TFB2M: variants seen among roughly 807,000 people sequenced by gnomAD.
TFB2M encodes the protein transcription factor B2, mitochondrial.
A neutral mutation model predicts 41.3 loss-of-function variants in TFB2M; 44 were observed. That is an observed-to-expected ratio of 1.07 (90% CI 0.84 to 1.37). The LOEUF (loss-of-function observed/expected upper bound fraction) is 1.37. TFB2M is among the 40% of genes most tolerant of loss of function. TFB2M has a pLI of 0.00. For synonymous variants in TFB2M, 188 were observed against 176.8 expected (o/e 1.06, Z -0.50); for missense variants, 496 against 490.2 (o/e 1.01, Z -0.11).
chr1:246,547,549 A>G (rs3124126), intron 6 of TFB2M, among the ~76,000 whole-genome samples: 93,767 of 152,048 alleles, frequency 0.62, 30,942 homozygotes, highest in Middle Eastern at 0.78. Context: ...AAGAAAACTG[A>G]TAATTTTCTT....
chr1:246,544,586 A>G lies in TFB2M; in HGVS notation c.954T>C (p.Asn318=). 1.2e-6 allele frequency: 2 copies of G among 1,611,736 alleles called. No homozygotes were observed. Among genetic ancestry groups the G allele is most frequent in the Non-Finnish European group, 1.7e-6 (2 of 1,179,416 alleles). ...AGTGCTTTAACAAGTGAAAAAATATATTATAGTTCATAGGTGTTAAGTTCT... is the reference window on the plus strand; with the variant it reads ...AGTGCTTTAACAAGTGAAAAAATATGTTATAGTTCATAGGTGTTAAGTTCT... ...FTKNLTPMNY[N]IFFHLLKHCF... The change falls in exon 7 of 8, where the codon AAT becomes AAC. Residue 318 remains asparagine (N), a synonymous_variant. Transcript: ENST00000366514.
intron 5 of TFB2M, 65 bp downstream of exon 5, chr1:246,551,148 C>T (rs1659167185): frequency 7.8e-7 from 1 of 1,288,576 alleles, no homozygotes; most frequent in Non-Finnish European, 1.1e-6. Flanking sequence ...GCACTCCAGC[C>T]TGGGCAACAT....
chr1:246,564,853 T>A (rs2102992151), intron 1 of TFB2M, among the ~76,000 whole-genome samples: 1 of 152,260 alleles, frequency 6.6e-6, no homozygotes, highest in Non-Finnish European at 1.5e-5. Flanking sequence ...CTAATTTTTG[T>A]ATTTTAAGCA....
At chr1:246,563,009 C>T (rs188597309) in intron 2 of TFB2M, among the ~76,000 whole-genome samples, 13 of 152,210 alleles carry the variant, frequency 8.5e-5, no homozygotes, top group South Asian at 2.1e-4. Context: ...TTAGCCTTGA[C>T]GGACCCGCTT....
intron 6 of TFB2M, among the ~76,000 whole-genome samples, chr1:246,547,059 C>T (rs1659042888): frequency 6.7e-6 from 1 of 150,018 alleles, no homozygotes; most frequent in African/African-American, 2.5e-5. Flanking sequence ...TCTCAGCTCA[C>T]TGCAAACTCT....
intron 4 of TFB2M, among the ~76,000 whole-genome samples, chr1:246,555,829 T>G (rs1014079463): frequency 1.3e-5 from 2 of 151,798 alleles, no homozygotes; most frequent in African/African-American, 4.8e-5. Context: ...CTTGCTCTGT[T>G]GCCCAGGCTG....
intron 6 of TFB2M, among the ~76,000 whole-genome samples, chr1:246,545,096 G>C (rs189290855): frequency 1.3e-5 from 2 of 151,436 alleles, no homozygotes; most frequent in Non-Finnish European, 3.0e-5. Context: ...GTGAGCCACC[G>C]TGCCCGGCCC....
chr1:246,560,941 G>A (rs1161860851), intron 2 of TFB2M, among the ~76,000 whole-genome samples: 14 of 152,120 alleles, frequency 9.2e-5, no homozygotes, highest in Non-Finnish European at 2.1e-4. Context: ...GTAAAACCAC[G>A]TCTCTACTAA....
At chr1:246,541,753 T>G (rs1441462887) in intron 7 of TFB2M, among the ~76,000 whole-genome samples, 1 of 152,268 alleles carries the variant, frequency 6.6e-6, no homozygotes. Flanking sequence ...GCAAAAAATA[T>G]TCTTAACTTC....
At chr1:246,560,056 G>A (rs1169544843) in intron 2 of TFB2M, among the ~76,000 whole-genome samples, 2 of 151,882 alleles carry the variant, frequency 1.3e-5, no homozygotes, top group African/African-American at 2.4e-5. Context: ...ACACACATTT[G>A]TCATCTTTCT....
rs781321720 is a variant in TFB2M at position 246,566,185 on chromosome 1, T to C, written c.-47A>G. On this transcript the variant is annotated 5_prime_UTR_variant, in exon 1 of 8. It removes the in-frame stop codon of an upstream open reading frame in the 5' UTR. Coordinates refer to ENST00000366514, the MANE Select transcript of TFB2M (RefSeq NM_022366.3). ...TCCAAGAATCACCTAGTGCAGCTACTACAGTGAACCCCACGCAGGGTATCC... is the reference window on the plus strand; with the variant it reads ...TCCAAGAATCACCTAGTGCAGCTACCACAGTGAACCCCACGCAGGGTATCC... 4 of 1,561,452 alleles carry C rather than the reference T, an allele frequency of 2.6e-6. No homozygotes were observed. Among genetic ancestry groups the C allele is most frequent in the African/African-American group, 2.7e-5 (2 of 73,334 alleles).
At chr1:246,564,622 C>G (rs148943434) in intron 1 of TFB2M, among the ~76,000 whole-genome samples, 188 bp from the exon 2 acceptor site, 1 of 151,854 alleles carries the variant, frequency 6.6e-6, no homozygotes, top group African/African-American at 2.4e-5. Context: ...TTGACTCCAG[C>G]GTCAAAAGTG....
Position 246,556,642 on chromosome 1 carries a change from A to G in TFB2M, c.636T>C (p.Tyr212=), listed in dbSNP as rs1157312444. The G allele has an allele frequency of 1.3e-6, 2 of 1,580,786 alleles. No homozygotes were observed. Among genetic ancestry groups the G allele is most frequent in the Non-Finnish European group, 1.7e-6 (2 of 1,167,746 alleles). The change falls in exon 4 of 8, where the codon TAT becomes TAC. Residue 212 remains tyrosine, a synonymous_variant. Coordinates refer to ENST00000366514, the MANE Select transcript of TFB2M (RefSeq NM_022366.3). ...CAAATTTATATATAGAAGTACAGGA[A>G]TACAAGTCATATGCGAGTTTCCAAA... ...RALWKLAYDL[Y]SCTSIYKFGR...
In TFB2M at chr1:246,544,833, T is replaced by C. The variant is rs1279684560; in HGVS notation, c.859-152A>G. ...CTCTTTTTCTTTCTTGGAGATAGAG[T>C]CTCACTCTGTCGCCCAGGCTGGAGT... On this transcript the variant is annotated intron_variant, in intron 6 of 7. Coordinates refer to ENST00000366514, the MANE Select transcript of TFB2M (RefSeq NM_022366.3). 9.4e-6 allele frequency: 6 copies of C among 639,848 alleles called. No individual in the cohort carries two copies. The East Asian group carries it at 2.0e-4, about 21-fold the overall frequency. 39.6% of individuals were successfully genotyped at this position (639,848 alleles called of 1,614,324 possible). A position where few individuals can be genotyped will look rare whatever the true frequency, so the allele number is the denominator to read the frequency against.
Position 246,551,281 on chromosome 1 carries a change from T to G in TFB2M, c.727A>C (p.Asn243His). The G allele has an allele frequency of 6.2e-7, 1 of 1,613,038 alleles. No homozygotes were observed. Among genetic ancestry groups the G allele is most frequent in the African/African-American group, 1.3e-5 (1 of 75,018 alleles). Residue 243 changes from asparagine (N) to histidine (H), a missense_variant, in exon 5 of 8, where the codon AAT becomes CAT. Physicochemically the swap from Asn to His is moderately conservative, Grantham distance 68. Transcript: ENST00000366514. ...CTTAATACATGATACAAGTCTGGAT[T>G]TCCGGGATCTGCCATTAGTTTCTAG... ...EFQKLMADPG[N>H]PDLYHVLSVI...
intron 2 of TFB2M, among the ~76,000 whole-genome samples, chr1:246,560,914 C>T (rs1659440720): frequency 6.6e-6 from 1 of 152,096 alleles, no homozygotes; most frequent in South Asian, 2.1e-4. Flanking sequence ...GAGTTCCAGA[C>T]CAGTCTGGCC....
At chr1:246,555,569 C>T (rs2102988430) in intron 4 of TFB2M, among the ~76,000 whole-genome samples, 1 of 152,046 alleles carries the variant, frequency 6.6e-6, no homozygotes, top group Non-Finnish European at 1.5e-5. Flanking sequence ...AAGACCCTGT[C>T]TCAAAAAACA....
chr1:246,546,986 T>C (rs1360003124), intron 6 of TFB2M, among the ~76,000 whole-genome samples: 7 of 83,790 alleles, frequency 8.4e-5, no homozygotes, highest in Middle Eastern at 8.3e-3. Context: ...CACACACATT[T>C]TTTTTTTTTT....
intron 2 of TFB2M, 130 bp from the exon 3 acceptor site, chr1:246,557,664 TTTTTG>T (rs200109340): frequency 4.7e-5 from 40 of 851,414 alleles, no homozygotes; most frequent in Admixed American, 7.3e-5. Flanking sequence ...ACCTGGGGTT[TTTTTG>T]TTTTGTTTTG....
Sources: gnomAD v4.1 joint callset for allele counts (sites outside exome capture counted in the v4.1 genomes callset) on GRCh38, gnomAD v4.1.1 for gene constraint, MANE v1.5 for transcripts, NCBI Gene and HGNC (gene_info 2026-07-23, HGNC 2026-07-21) for gene names.